The following RALYL variants were observed in gnomAD, a reference collection of about 807,000 sequenced individuals.
The protein encoded by RALYL is RALY RNA binding protein like.
A neutral mutation model predicts 35.1 loss-of-function variants in RALYL; 29 were observed. The ratio of observed to expected loss-of-function variants is 0.83; its 90% CI spans 0.61 to 1.13. The LOEUF is 1.13. Among genes scored for constraint, RALYL ranks in the 50% most tolerant of loss-of-function variants. RALYL has a pLI of 0.00. For synonymous variants in RALYL, 120 were observed against 127.6 expected, an observed-to-expected ratio of 0.94 and a Z score of 0.40; for missense variants, 359 against 360.4, an observed-to-expected ratio of 1.00 and a Z score of 0.03.
intron 1 of RALYL, among the ~76,000 whole-genome samples, chr8:84,316,682 T>C (rs1219125832): frequency 2.0e-5 from 3 of 152,186 alleles, no homozygotes; most frequent in Non-Finnish European, 4.4e-5. Flanking sequence ...GCAAATTCAA[T>C]GTTTAAACTT....
chr8:84,626,208 C>T (rs556755577), intron 2 of RALYL, among the ~76,000 whole-genome samples: 2 of 152,234 alleles, frequency 1.3e-5, no homozygotes, highest in Non-Finnish European at 2.9e-5. Context: ...TTAATAAGAG[C>T]GGAAAATACG....
chr8:84,725,578 G>T (rs1427064858), intron 2 of RALYL, among the ~76,000 whole-genome samples: 3 of 151,660 alleles, frequency 2.0e-5, no homozygotes, highest in Non-Finnish European at 4.4e-5. Context: ...TTAATTTTCA[G>T]TTCCTTTAAT....
intron 1 of RALYL, among the ~76,000 whole-genome samples, chr8:84,371,278 C>T (rs1043760733): frequency 6.6e-6 from 1 of 151,920 alleles, no homozygotes; most frequent in Non-Finnish European, 1.5e-5. Flanking sequence ...CACTATGAAA[C>T]AGATATACAG....
intron 1 of RALYL, among the ~76,000 whole-genome samples, chr8:84,214,751 G>A (rs988251403): frequency 6.6e-6 from 1 of 152,072 alleles, no homozygotes; most frequent in African/African-American, 2.4e-5. Flanking sequence ...GATTTGTTGG[G>A]AGACAGAAAA....
chr8:84,277,233 G>A (rs952278398), intron 1 of RALYL, among the ~76,000 whole-genome samples: 1 of 152,186 alleles, frequency 6.6e-6, no homozygotes, highest in Admixed American at 6.5e-5. Context: ...AGGCAAAGGA[G>A]AAGCAAAGGC....
chr8:84,468,747 T>C (rs1240878433), intron 1 of RALYL, among the ~76,000 whole-genome samples: 2 of 151,672 alleles, frequency 1.3e-5, no homozygotes, highest in African/African-American at 4.8e-5. Flanking sequence ...GTTTTCCAAC[T>C]TGGTTCCATT....
intron 3 of RALYL, among the ~76,000 whole-genome samples, chr8:84,784,381 C>G (rs1320800877): frequency 6.6e-6 from 1 of 152,094 alleles, no homozygotes; most frequent in East Asian, 1.9e-4. Context: ...CCAAACAGCC[C>G]TTTTTCCTCG....
At chr8:84,308,511 C>T (rs751146134) in intron 1 of RALYL, among the ~76,000 whole-genome samples, 3 of 152,076 alleles carry the variant, frequency 2.0e-5, no homozygotes, top group Non-Finnish European at 4.4e-5. Flanking sequence ...CACAGATATC[C>T]AGTCATGCCA....
chr8:84,606,343 A>G (rs1190830460), intron 2 of RALYL, among the ~76,000 whole-genome samples: 1 of 152,164 alleles, frequency 6.6e-6, no homozygotes, highest in Non-Finnish European at 1.5e-5. Context: ...TTGAGCAGGA[A>G]CATGCTTTGG....
intron 2 of RALYL, among the ~76,000 whole-genome samples, chr8:84,616,346 G>A (rs1165430148): frequency 1.4e-5 from 2 of 146,414 alleles, no homozygotes; most frequent in African/African-American, 5.2e-5. Context: ...CTGATGGCCA[G>A]TGATGATGAA....
chr8:84,780,774 C>A (rs1157338051), intron 3 of RALYL, among the ~76,000 whole-genome samples: 1 of 152,182 alleles, frequency 6.6e-6, no homozygotes, highest in African/African-American at 2.4e-5. Context: ...AGATACTCTA[C>A]AAATTTTAGT....
chr8:84,883,548 T>G (rs1187448631), intron 7 of RALYL, among the ~76,000 whole-genome samples: 1 of 151,988 alleles, frequency 6.6e-6, no homozygotes, highest in Non-Finnish European at 1.5e-5. Flanking sequence ...CCATCAGATC[T>G]TGTGAGACTT....
intron 1 of RALYL, among the ~76,000 whole-genome samples, chr8:84,319,616 A>T (rs1007868621): frequency 6.6e-6 from 1 of 152,116 alleles, no homozygotes; most frequent in Admixed American, 6.5e-5. Flanking sequence ...TTAACTTTCC[A>T]CTTCTTTAAT....
At chr8:84,696,731 A>G (rs929679360) in intron 2 of RALYL, among the ~76,000 whole-genome samples, 14 of 152,154 alleles carry the variant, frequency 9.2e-5, no homozygotes, top group Non-Finnish European at 1.2e-4. Context: ...TTAAGTAAAC[A>G]TCTAAAAACG....
At chr8:84,644,451 C>A (rs1305805703) in intron 2 of RALYL, among the ~76,000 whole-genome samples, 1 of 151,982 alleles carries the variant, frequency 6.6e-6, no homozygotes, top group Non-Finnish European at 1.5e-5. Flanking sequence ...AGAAACTTCT[C>A]ATTTATTACA....
intron 1 of RALYL, among the ~76,000 whole-genome samples, chr8:84,301,022 G>A (rs1216071608): frequency 6.6e-6 from 1 of 151,850 alleles, no homozygotes; most frequent in Non-Finnish European, 1.5e-5. Flanking sequence ...GGCTGGTAAT[G>A]GCCTGTTTCT....
intron 1 of RALYL, among the ~76,000 whole-genome samples, chr8:84,342,385 G>A (rs563901093): frequency 2.7e-5 from 4 of 146,672 alleles, no homozygotes; most frequent in South Asian, 2.1e-4. Flanking sequence ...CATCAGCACA[G>A]TCCACCATAG....
At chr8:84,228,184 G>A (rs1456889602) in intron 1 of RALYL, among the ~76,000 whole-genome samples, 1 of 150,250 alleles carries the variant, frequency 6.7e-6, no homozygotes, top group African/African-American at 2.4e-5. Context: ...AAATGTGATT[G>A]TGGTAGTTAA....
chr8:84,242,980 A>G (rs577656825), intron 1 of RALYL, among the ~76,000 whole-genome samples: 1 of 152,108 alleles, frequency 6.6e-6, no homozygotes, highest in Non-Finnish European at 1.5e-5. Flanking sequence ...TGGGTTTTAC[A>G]TTTATGTCTT....
Sources: allele counts gnomAD v4.1 joint callset (sites outside exome capture counted in the v4.1 genomes callset), GRCh38; gene constraint gnomAD v4.1.1; transcripts MANE v1.5; gene names NCBI Gene and HGNC (gene_info 2026-07-23, HGNC 2026-07-21).